Variants in FMN1 observed in about 807,000 individuals in gnomAD.
FMN1 encodes the protein formin-1.
FMN1 carries 110 observed loss-of-function variants against 132.4 expected under a neutral mutation model. That is an observed-to-expected ratio of 0.83 (90% CI 0.71 to 0.97). FMN1 has a LOEUF of 0.97. FMN1 is among the 50% of genes least tolerant of loss of function. The pLI is 0.00. For missense variants in FMN1, 1,792 were observed against 1,705.3 expected (o/e 1.05, Z -0.90); for synonymous variants, 722 against 651.7 (o/e 1.11, Z -1.64).
chr15:32,933,278 A>G (rs564439520), intron 9 of FMN1, among the ~76,000 whole-genome samples: 20 of 152,296 alleles, frequency 1.3e-4, no homozygotes, highest in South Asian at 4.1e-4. Context: ...CTGTATGTAT[A>G]ATGTTTCCAG....
Position 32,969,313 on chromosome 15 carries a change from A to G in FMN1, c.2388T>C (p.Pro796=). 1 of 1,613,900 alleles carries G rather than the reference A, an allele frequency of 6.2e-7. No homozygotes were observed. Among genetic ancestry groups the G allele is most frequent in the Non-Finnish European group, 8.5e-7 (1 of 1,179,872 alleles). ...DVCISTDDDC[P]PKTFRNVCVQ... is the part of the protein sequence containing the mutation. ...CGCACACATTTCTGAAGGTCTTTGG[A>G]GGGCAGTCATCATCGGTGGAAATGC... Residue 796 remains proline, a synonymous_variant, in exon 8 of 21, where the codon CCT becomes CCC. Transcript: ENST00000616417.
chr15:32,973,763 CT>C (rs2140702594), intron 7 of FMN1, among the ~76,000 whole-genome samples: 1 of 150,722 alleles, frequency 6.6e-6, no homozygotes, highest in African/African-American at 2.5e-5. Flanking sequence ...TTGTGTCTGA[CT>C]CTATTACAAA....
At chr15:33,165,525 G>C (rs1595589613) in intron 3 of FMN1, among the ~76,000 whole-genome samples, 1 of 152,206 alleles carries the variant, frequency 6.6e-6, no homozygotes, top group East Asian at 1.9e-4. Flanking sequence ...CGAGTAGCTG[G>C]GAATACAGGC....
intron 3 of FMN1, among the ~76,000 whole-genome samples, chr15:33,174,346 C>G (rs185768981): frequency 6.6e-6 from 1 of 152,036 alleles, no homozygotes; most frequent in Admixed American, 6.6e-5. Context: ...TTCTTAATAC[C>G]TCCCCCTCTC....
chr15:33,099,033 G>A (rs1470424818), intron 4 of FMN1, among the ~76,000 whole-genome samples: 1 of 152,168 alleles, frequency 6.6e-6, no homozygotes, highest in African/African-American at 2.4e-5. Context: ...TTGGGAAGCT[G>A]AGGCTGGTGG....
At chr15:32,977,166 T>TA (rs2032277109) in intron 7 of FMN1, among the ~76,000 whole-genome samples, 1 of 152,204 alleles carries the variant, frequency 6.6e-6, no homozygotes, top group African/African-American at 2.4e-5. Context: ...TGCATATAAT[T>TA]ATAACAACAA....
intron 3 of FMN1, among the ~76,000 whole-genome samples, chr15:33,173,885 C>T (rs1566966518): frequency 6.6e-6 from 1 of 152,054 alleles, no homozygotes; most frequent in South Asian, 2.1e-4. Flanking sequence ...GCCGAAATTG[C>T]GCCACTGCAC....
At chr15:33,107,184 C>T (rs1379005232) in intron 4 of FMN1, among the ~76,000 whole-genome samples, 2 of 152,022 alleles carry the variant, frequency 1.3e-5, no homozygotes, top group East Asian at 3.9e-4. Context: ...TAAGCAAGAC[C>T]TGTTTGCTCT....
chr15:32,804,960 A>C (rs2057626046), intron 17 of FMN1, among the ~76,000 whole-genome samples: 1 of 152,174 alleles, frequency 6.6e-6, no homozygotes, highest in Non-Finnish European at 1.5e-5. Flanking sequence ...GAATAGTGCC[A>C]CAATAAATAT....
chr15:33,179,083 CACA>C (rs1223072211), intron 3 of FMN1, among the ~76,000 whole-genome samples: 1 of 152,110 alleles, frequency 6.6e-6, no homozygotes, highest in African/African-American at 2.4e-5. Context: ...TTCCAATAAA[CACA>C]ACAATTAAAG....
At chr15:33,091,161 G>A (rs1352941185) in intron 4 of FMN1, among the ~76,000 whole-genome samples, 1 of 152,160 alleles carries the variant, frequency 6.6e-6, no homozygotes, top group East Asian at 1.9e-4. Flanking sequence ...TACAACACCT[G>A]AGGTAAGACA....
chr15:32,915,050 A>C (rs2060651502), intron 10 of FMN1, among the ~76,000 whole-genome samples: 1 of 152,254 alleles, frequency 6.6e-6, no homozygotes, highest in Non-Finnish European at 1.5e-5. Context: ...AGGTAGCAGA[A>C]GCAATATCAA....
intron 4 of FMN1, among the ~76,000 whole-genome samples, chr15:33,098,852 C>A (rs1042995389): frequency 6.6e-6 from 1 of 152,180 alleles, no homozygotes; most frequent in African/African-American, 2.4e-5. Context: ...CTTTCCCCTT[C>A]AGGCCTAAGG....
intron 5 of FMN1, among the ~76,000 whole-genome samples, chr15:33,077,354 A>AT (rs2038253312): frequency 1.1e-5 from 1 of 93,604 alleles, no homozygotes; most frequent in African/African-American, 3.2e-5. Context: ...TTTTTTTTTT[A>AT]ATATATATAT....
At chr15:33,001,694 C>T (rs1363143840) in intron 7 of FMN1, among the ~76,000 whole-genome samples, 1 of 123,264 alleles carries the variant, frequency 8.1e-6, no homozygotes, top group South Asian at 3.3e-4. Flanking sequence ...CCCTCCCCTT[C>T]CGCCTCCCCC....
intron 18 of FMN1, among the ~76,000 whole-genome samples, chr15:32,801,463 G>A (rs1333413560): frequency 6.6e-6 from 1 of 152,062 alleles, no homozygotes; most frequent in Non-Finnish European, 1.5e-5. Context: ...AGATAAAGTC[G>A]CTTCAAGAAT....
At chr15:32,925,915 A>G (rs1239365851) in intron 10 of FMN1, among the ~76,000 whole-genome samples, 1 of 152,168 alleles carries the variant, frequency 6.6e-6, no homozygotes, top group Non-Finnish European at 1.5e-5. Flanking sequence ...AAATAAATAA[A>G]GTATCCTTAT....
At chr15:32,987,580 G>C (rs2033150487) in intron 7 of FMN1, among the ~76,000 whole-genome samples, 1 of 152,060 alleles carries the variant, frequency 6.6e-6, no homozygotes, top group Non-Finnish European at 1.5e-5. Flanking sequence ...AAAAAACTTT[G>C]ATTTTTATAA....
rs2056151947 is a variant in FMN1, at chr15:32,769,367, AGAT to A, written c.*4940_*4942del. On this transcript the variant is annotated 3_prime_UTR_variant, in exon 21 of 21. Coordinates refer to ENST00000616417, the MANE Select transcript of FMN1 (RefSeq NM_001277313.2). ...TAGATTGCCCATTCCTTGGGAAGGG[AGAT>A]GAAGAATTGTGAAACCAAAATGCAG... 6.6e-6 allele frequency: 1 copy of A among 152,124 alleles called. No homozygotes were observed. Among genetic ancestry groups the A allele is most frequent in the African/African-American group, 2.4e-5 (1 of 41,392 alleles). 9.4% of individuals were successfully genotyped at this position (152,124 alleles called of 1,614,324 possible).
Sources: allele counts gnomAD v4.1 joint callset (sites outside exome capture counted in the v4.1 genomes callset), GRCh38; gene constraint gnomAD v4.1.1; transcripts MANE v1.5; gene names NCBI Gene and HGNC (gene_info 2026-07-23, HGNC 2026-07-21).